B3GAT2: variants seen among roughly 807,000 people sequenced by gnomAD.
B3GAT2 encodes galactosylgalactosylxylosylprotein 3-beta-glucuronosyltransferase 2.
Under a neutral mutation model 27.8 loss-of-function variants are expected in B3GAT2, and 26 were observed. The observed-to-expected ratio is 0.93, with a 90% CI of 0.68 to 1.30. The LOEUF (loss-of-function observed/expected upper bound fraction) is 1.30, where lower values mean the gene tolerates loss of function less well. Among genes scored for constraint, B3GAT2 ranks in the 50% most tolerant of loss-of-function variants. The pLI is 0.00. For missense variants in B3GAT2, 458 were observed against 459.0 expected (o/e 1.00, Z 0.02); for synonymous variants, 218 against 195.1 (o/e 1.12, Z -0.98).
In B3GAT2 at chr6:70,862,082, CTG is replaced by C. The variant is rs1453018971; in HGVS notation, c.737-106_737-105del. ...ATCAAAACAGTTTTTAAAATACCTA[CTG>C]TGTGTCAGGTCTTGGTTTACAAAGT... is the stretch of plus-strand genomic sequence containing the variant. On this transcript the variant is annotated intron_variant, in intron 2 of 3. Transcript: ENST00000230053. 6 of 1,058,666 alleles carry C rather than the reference CTG, an allele frequency of 5.7e-6. No individual in the cohort carries two copies. In the African/African-American group the frequency reaches 9.7e-5, roughly 17 times the overall value. The allele number at this position is 1,058,666 out of a possible 1,614,324, so 65.6% of individuals were successfully genotyped here.
At chr6:70,894,323 G>A in intron 1 of B3GAT2, 51 bp from the exon 2 acceptor site, 1 of 1,519,042 alleles carries the variant, frequency 6.6e-7, no homozygotes, top group Non-Finnish European at 8.9e-7. Flanking sequence ...GAAAAAGAGG[G>A]AGGAAATGAA....
At position 70,861,728 on chromosome 6, in the gene B3GAT2, T is replaced by C. The variant is rs976328147; in HGVS notation, c.907A>G (p.Thr303Ala). 9 of 1,614,008 alleles carry C rather than the reference T, an allele frequency of 5.6e-6. No individual in the cohort carries two copies. Among genetic ancestry groups the C allele is most frequent in the Non-Finnish European group, 7.6e-6 (9 of 1,179,992 alleles). ...TCGTTGGCTAGATTAACCTTCTCTG[T>C]CCGAGTGTGCCACACGAGAACCTGA... The part of the protein sequence containing the change: ...CTKVLVWHTR[T>A]EKVNLANEPK... Residue 303 changes from threonine (T) to alanine (A), a missense_variant, in exon 4 of 4, where the codon ACA (threonine) becomes GCA (alanine). Thr to Ala is a moderately conservative substitution (Grantham distance 58). Transcript: ENST00000230053.
chr6:70,861,716 T>G lies in B3GAT2; in HGVS notation c.919A>C (p.Asn307His). 1.9e-6 allele frequency: 3 copies of G among 1,614,156 alleles called. No homozygotes were observed. The highest frequency in any genetic ancestry group is 2.5e-6 in the Non-Finnish European group (3 of 1,179,984). ...TGGTACTTTGGCTCGTTGGCTAGAT[T>G]AACCTTCTCTGTCCGAGTGTGCCAC... ...LVWHTRTEKV[N>H]LANEPKYHLD... is the part of the protein sequence containing the mutation. Residue 307 changes from asparagine (N) to histidine (H), a missense_variant, in exon 4 of 4, where the codon AAT (asparagine) becomes CAT (histidine). Physicochemically the swap from Asn to His is moderately conservative, Grantham distance 68. Coordinates refer to ENST00000230053, the MANE Select transcript of B3GAT2 (RefSeq NM_080742.3).
At chr6:70,937,552 C>A (rs1326286538) in intron 1 of B3GAT2, among the ~76,000 whole-genome samples, 4 of 152,112 alleles carry the variant, frequency 2.6e-5, no homozygotes, top group African/African-American at 9.7e-5. Flanking sequence ...AGCTTATTCA[C>A]CATGATCAAG....
At position 70,956,845 on chromosome 6, in the gene B3GAT2, A is replaced by C; in HGVS notation, c.-416T>G. 9.6e-7 allele frequency: 1 copy of C among 1,038,136 alleles called. No individual in the cohort carries two copies. Among genetic ancestry groups the C allele is most frequent in the South Asian group, 3.4e-5 (1 of 29,340 alleles). 64.3% of individuals were successfully genotyped at this position (1,038,136 alleles called of 1,614,324 possible). A position where few individuals can be genotyped will look rare whatever the true frequency, so the allele number is the denominator to read the frequency against. On this transcript the variant is annotated 5_prime_UTR_variant, in exon 1 of 4. Coordinates refer to ENST00000230053, the MANE Select transcript of B3GAT2 (RefSeq NM_080742.3). ...TCCAGTCCGGCGGTGCTGCGGGCACAAGGGCTCCAGCCGCGGGCCCCCAGG... is the reference window on the plus strand; with the variant it reads ...TCCAGTCCGGCGGTGCTGCGGGCACCAGGGCTCCAGCCGCGGGCCCCCAGG...
chr6:70,881,574 C>G (rs2460698), intron 2 of B3GAT2, among the ~76,000 whole-genome samples: 60,425 of 151,982 alleles, frequency 0.4, 13,077 homozygotes, highest in Non-Finnish European at 0.48. Context: ...ACTTCAGAGG[C>G]GGCTTCACCA....
intron 2 of B3GAT2, among the ~76,000 whole-genome samples, chr6:70,893,183 T>C (rs1315114187): frequency 6.6e-5 from 10 of 152,124 alleles, no homozygotes. Context: ...CTCAGATTTA[T>C]AGTATTGTCA....
At chr6:70,915,017 C>T (rs1772745417) in intron 1 of B3GAT2, among the ~76,000 whole-genome samples, 2 of 152,172 alleles carry the variant, frequency 1.3e-5, no homozygotes, top group African/African-American at 4.8e-5. Flanking sequence ...TTTACACTCC[C>T]ACCAACAGTG....
chr6:70,859,392 AGGT>A lies in B3GAT2; in HGVS notation c.*2268_*2270del, dbSNP rs1462247052. The A allele has an allele frequency of 1.9e-6, 3 of 1,548,948 alleles. No individual in the cohort carries two copies. In the African/African-American group the frequency reaches 4.1e-5, roughly 21 times the overall value. Reference sequence around the variant, plus strand: ...CAGTGCAATCTACTGGCCAATGACAAGGTGGTTAAAATGTCCTTTAGTAGGTAT... The same window carrying A: ...CAGTGCAATCTACTGGCCAATGACAAGGTTAAAATGTCCTTTAGTAGGTAT... On this transcript the variant is annotated 3_prime_UTR_variant, in exon 4 of 4. Coordinates refer to ENST00000230053, the MANE Select transcript of B3GAT2 (RefSeq NM_080742.3).
chr6:70,951,193 A>G (rs576056001), intron 1 of B3GAT2, among the ~76,000 whole-genome samples: 18 of 152,312 alleles, frequency 1.2e-4, no homozygotes, highest in Admixed American at 3.3e-4. Flanking sequence ...ATTCTGTGCA[A>G]AAAACAATGA....
intron 1 of B3GAT2, among the ~76,000 whole-genome samples, chr6:70,925,975 G>A (rs1772949702): frequency 6.6e-6 from 1 of 152,144 alleles, no homozygotes; most frequent in African/African-American, 2.4e-5. Flanking sequence ...AGCAACATTT[G>A]CCGTTCTGCA....
At chr6:70,937,569 T>C (rs1357057306) in intron 1 of B3GAT2, among the ~76,000 whole-genome samples, 1 of 152,128 alleles carries the variant, frequency 6.6e-6, no homozygotes, top group African/African-American at 2.4e-5. Flanking sequence ...CAAGTGGGCT[T>C]CATCCCTGGG....
intron 1 of B3GAT2, among the ~76,000 whole-genome samples, chr6:70,918,965 T>C (rs1772822561): frequency 6.6e-6 from 1 of 152,214 alleles, no homozygotes; most frequent in African/African-American, 2.4e-5. Flanking sequence ...GGGGAAGTTC[T>C]CCTGCATAAT....
At chr6:70,895,057 G>A (rs1186599624) in intron 1 of B3GAT2, among the ~76,000 whole-genome samples, 1 of 152,154 alleles carries the variant, frequency 6.6e-6, no homozygotes, top group Non-Finnish European at 1.5e-5. Context: ...CAGCTCAAAA[G>A]GCATCTTAGC....
chr6:70,937,094 G>T (rs973866381), intron 1 of B3GAT2, among the ~76,000 whole-genome samples: 2 of 152,006 alleles, frequency 1.3e-5, no homozygotes, highest in Non-Finnish European at 2.9e-5. Context: ...CACAGAAATA[G>T]AAACTACCAT....
At chr6:70,930,332 AT>A (rs1773039810) in intron 1 of B3GAT2, among the ~76,000 whole-genome samples, 1 of 152,244 alleles carries the variant, frequency 6.6e-6, no homozygotes, top group Non-Finnish European at 1.5e-5. Context: ...AAAAGTCAAA[AT>A]TGACAAATGG....
chr6:70,911,746 C>A (rs186248168), intron 1 of B3GAT2, among the ~76,000 whole-genome samples: 1 of 152,232 alleles, frequency 6.6e-6, no homozygotes, highest in East Asian at 1.9e-4. Context: ...AGTATGGCCA[C>A]TTTAACAACA....
Position 70,956,540 on chromosome 6 carries a change from G to A in B3GAT2, c.-111C>T. The A allele has an allele frequency of 1.3e-6, 2 of 1,511,470 alleles. No individual in the cohort carries two copies. Among genetic ancestry groups the A allele is most frequent in the Non-Finnish European group, 1.8e-6 (2 of 1,132,008 alleles). The allele number at this position is 1,511,470 out of a possible 1,614,324, so 93.6% of individuals were successfully genotyped here. A position where few individuals can be genotyped will look rare whatever the true frequency, so the allele number is the denominator to read the frequency against. Reference sequence around the variant, plus strand: ...GCACTTAGGGAGTGGTGATGGGTGCGCTGTCCATGGGGCCGAGGGCGCTGC... The same window carrying A: ...GCACTTAGGGAGTGGTGATGGGTGCACTGTCCATGGGGCCGAGGGCGCTGC... On this transcript the variant is annotated 5_prime_UTR_variant, in exon 1 of 4. Transcript: ENST00000230053.
chr6:70,885,864 T>A (rs1772175718), intron 2 of B3GAT2, among the ~76,000 whole-genome samples: 1 of 152,224 alleles, frequency 6.6e-6, no homozygotes, highest in South Asian at 2.1e-4. Flanking sequence ...CTGCACAGCC[T>A]GTATGTGTCA....
Sources: allele counts gnomAD v4.1 joint callset (sites outside exome capture counted in the v4.1 genomes callset), GRCh38; gene constraint gnomAD v4.1.1; transcripts MANE v1.5; gene names NCBI Gene and HGNC (gene_info 2026-07-23, HGNC 2026-07-21).